EPM2A: variants seen among roughly 807,000 people sequenced by gnomAD.
EPM2A encodes laforin.
In EPM2A, 21 loss-of-function variants were observed where a neutral mutation model predicts 26.5. That is an observed-to-expected ratio of 0.79 (90% CI 0.56 to 1.14). The LOEUF is 1.14. EPM2A is among the 50% of genes most tolerant of loss of function. The pLI, the probability that EPM2A is intolerant of heterozygous loss-of-function variation, is 0.00. For synonymous variants in EPM2A, 217 were observed against 177.6 expected, an observed-to-expected ratio of 1.22 and a Z score of -1.76; for missense variants, 458 against 440.8, an observed-to-expected ratio of 1.04 and a Z score of -0.35.
intron 4 of EPM2A, among the ~76,000 whole-genome samples, chr6:145,416,867 A>T (rs909347589): frequency 6.8e-5 from 10 of 147,662 alleles, no homozygotes; most frequent in East Asian, 3.9e-4. Flanking sequence ...TGATTTCTTA[A>T]TTTTTTTTTT....
At chr6:145,453,472 G>A (rs1779223631) in intron 4 of EPM2A, among the ~76,000 whole-genome samples, 1 of 151,844 alleles carries the variant, frequency 6.6e-6, no homozygotes, top group African/African-American at 2.4e-5. Flanking sequence ...ACTGTCATGT[G>A]GGTTTTTTTA....
intron 4 of EPM2A, among the ~76,000 whole-genome samples, chr6:145,477,311 C>G (rs1779555247): frequency 6.6e-6 from 1 of 151,652 alleles, no homozygotes; most frequent in Non-Finnish European, 1.5e-5. Context: ...AAAGAAAAGC[C>G]CAGGACCTGA....
intron 4 of EPM2A, among the ~76,000 whole-genome samples, chr6:145,428,128 T>C (rs1316655134): frequency 6.6e-6 from 1 of 151,388 alleles, no homozygotes; most frequent in Non-Finnish European, 1.5e-5. Context: ...TTATTTACTT[T>C]AGAGTTTCAA....
In EPM2A at chr6:145,625,942, C is replaced by T; in HGVS notation, c.*1474G>A. ...AGGAAAGTAAGGGCTTTGAATCAAA[C>T]CCAGCTTTGTATCTCACTTCATCTA... is the stretch of plus-strand genomic sequence containing the variant. On this transcript the variant is annotated 3_prime_UTR_variant, in exon 4 of 4. Coordinates refer to ENST00000367519, the MANE Select transcript of EPM2A (RefSeq NM_005670.4). 1 of 1,334,966 alleles carries T rather than the reference C, an allele frequency of 7.5e-7. No homozygotes were observed. The allele number at this position is 1,334,966 out of a possible 1,614,324, so 82.7% of individuals were successfully genotyped here.
At chr6:145,395,517 A>G (rs1778393117) in intron 4 of EPM2A, among the ~76,000 whole-genome samples, 1 of 152,026 alleles carries the variant, frequency 6.6e-6, no homozygotes, top group Admixed American at 6.5e-5. Flanking sequence ...AAATCTACTG[A>G]AAAAACAACG....
At chr6:145,469,641 T>A (rs1202206607) in intron 4 of EPM2A, among the ~76,000 whole-genome samples, 6 of 151,916 alleles carry the variant, frequency 3.9e-5, no homozygotes, top group Admixed American at 3.9e-4. Flanking sequence ...AAAAGTAGGG[T>A]CGTACAATCC....
chr6:145,456,717 T>C (rs1268356558), intron 4 of EPM2A, among the ~76,000 whole-genome samples: 1 of 152,228 alleles, frequency 6.6e-6, no homozygotes, highest in African/African-American at 2.4e-5. Context: ...AATTTGGTTT[T>C]ATTTACAAAA....
rs142250741 is a variant in EPM2A, at chr6:145,429,461, G to C, written c.556-45364C>G. 3.4e-3 allele frequency among the ~76,000 whole-genome samples: 513 copies of C among 152,008 alleles called. 6 individuals are homozygous for C. The highest frequency in any genetic ancestry group is 0.012 in the African/African-American group (482 of 41,468). On this transcript the variant is annotated intron_variant, in intron 4 of 4. Transcript: ENST00000638717. ...TAATCTATATTTCTCAAGTGATAAA[G>C]AATATTACAATGTTCTGAAATAATT...
intron 2 of EPM2A, among the ~76,000 whole-genome samples, chr6:145,559,178 A>G (rs950212272): frequency 1.3e-5 from 2 of 152,126 alleles, no homozygotes; most frequent in Non-Finnish European, 1.5e-5. Context: ...GATTTAGTTT[A>G]TCTCATCCTT....
In EPM2A at chr6:145,554,425, T is replaced by C. The variant is rs1341500815; in HGVS notation, c.341-51850A>G. Among the ~76,000 whole-genome samples the C allele has an allele frequency of 6.8e-5, 4 of 59,182 alleles. No individual in the cohort carries two copies. The East Asian group carries it at 1.2e-3, about 18-fold the overall frequency. The allele number at this position is 59,182 out of a possible 152,430, so 38.8% of individuals were successfully genotyped here. On this transcript the variant is annotated intron_variant, in intron 2 of 3. Transcript: ENST00000450221. ...AGATAATAGAGAGATAGATAGATGA[T>C]AGATAGATAGATAGATAGATAGATA...
intron 4 of EPM2A, among the ~76,000 whole-genome samples, chr6:145,424,952 T>C (rs1301087157): frequency 1.4e-5 from 2 of 145,906 alleles, no homozygotes; most frequent in African/African-American, 2.6e-5. Context: ...GGACTAAGAC[T>C]ATATTAGATA....
chr6:145,568,437 A>G (rs1780912819), intron 2 of EPM2A, among the ~76,000 whole-genome samples: 1 of 151,098 alleles, frequency 6.6e-6, no homozygotes, highest in South Asian at 2.1e-4. Flanking sequence ...CTCCTCCCTC[A>G]GCCTCCCTGG....
chr6:145,626,849 T>C lies in EPM2A; in HGVS notation c.*567A>G, dbSNP rs754937673. On this transcript the variant is annotated 3_prime_UTR_variant, in exon 4 of 4. Transcript: ENST00000367519. ...GTTGTTGGGTAGAGAAGGAAGGTGATGCCTTGGAACAGACTTTAACAACTG... is the reference window on the plus strand; with the variant it reads ...GTTGTTGGGTAGAGAAGGAAGGTGACGCCTTGGAACAGACTTTAACAACTG... 22 of 988,616 alleles carry C rather than the reference T, an allele frequency of 2.2e-5. No homozygotes were observed. Among genetic ancestry groups the C allele is most frequent in the Non-Finnish European group, 2.5e-5 (21 of 831,936 alleles). The allele number at this position is 988,616 out of a possible 1,614,324, so 61.2% of individuals were successfully genotyped here. A position where few individuals can be genotyped will look rare whatever the true frequency, so the allele number is the denominator to read the frequency against.
At chr6:145,716,516 A>G (rs931971332) in intron 1 of EPM2A, among the ~76,000 whole-genome samples, 7 of 152,226 alleles carry the variant, frequency 4.6e-5, no homozygotes, top group Non-Finnish European at 1.0e-4. Context: ...GAGGTAAGCC[A>G]TGCAGCAAGA....
At chr6:145,543,479 T>C (rs114675311) in intron 2 of EPM2A, among the ~76,000 whole-genome samples, 1 of 152,032 alleles carries the variant, frequency 6.6e-6, no homozygotes, top group East Asian at 1.9e-4. Context: ...TCAGAAACAT[T>C]AAACGACTTG....
chr6:145,673,124 TA>T, intron 2 of EPM2A, among the ~76,000 whole-genome samples: 1 of 151,550 alleles, frequency 6.6e-6, no homozygotes, highest in South Asian at 2.1e-4. Flanking sequence ...AATTTGTTTT[TA>T]AAATTAAAAA....
intron 1 of EPM2A, among the ~76,000 whole-genome samples, chr6:145,724,917 C>G (rs1273070282): frequency 6.6e-6 from 1 of 151,780 alleles, no homozygotes; most frequent in Non-Finnish European, 1.5e-5. Flanking sequence ...ACTAGACGCC[C>G]TTGGATTTGG....
intron 2 of EPM2A, among the ~76,000 whole-genome samples, chr6:145,613,148 G>T (rs116762170): frequency 5.0e-4 from 76 of 152,092 alleles, no homozygotes; most frequent in African/African-American, 1.8e-3. Flanking sequence ...ATTTGTTGTC[G>T]TTTCCACAAT....
intron 2 of EPM2A, among the ~76,000 whole-genome samples, chr6:145,585,796 T>C (rs942090959): frequency 1.3e-5 from 2 of 152,216 alleles, no homozygotes; most frequent in African/African-American, 4.8e-5. Flanking sequence ...GTTTGATCTT[T>C]TGGGCTATTG....
Sources: gnomAD v4.1 joint callset for allele counts (sites outside exome capture counted in the v4.1 genomes callset) on GRCh38, gnomAD v4.1.1 for gene constraint, MANE v1.5 for transcripts, NCBI Gene and HGNC (gene_info 2026-07-23, HGNC 2026-07-21) for gene names.